The following ABHD14A variants were observed in gnomAD, a reference collection of about 807,000 sequenced individuals.
The protein encoded by ABHD14A is abhydrolase domain containing 14A.
Under a neutral mutation model 27.0 loss-of-function variants are expected in ABHD14A, and 19 were observed. That is an observed-to-expected ratio of 0.70 (90% CI 0.49 to 1.03). ABHD14A has a LOEUF of 1.03. Ranked by LOEUF, ABHD14A falls within the 50% of genes least tolerant of loss-of-function variation. The pLI is 0.00. For missense variants in ABHD14A, 311 were observed against 344.6 expected (o/e 0.90, Z 0.77); for synonymous variants, 148 against 158.8 (o/e 0.93, Z 0.51).
At chr3:51,978,728 AT>A in intron 3 of ABHD14A, 1 of 276,556 alleles carries the variant, frequency 3.6e-6, no homozygotes. Context: ...AGTAGCTGAG[AT>A]TACAGGTGAC....
In ABHD14A at chr3:51,977,984, C is replaced by G. The variant is rs404527; in HGVS notation, c.183C>G (p.Cys61Trp). Residue 61 changes from cysteine (C) to tryptophan (W), a missense_variant, in exon 2 of 5, where the codon TGC becomes TGG. Physicochemically the swap from Cys to Trp is radical, Grantham distance 215. Coordinates refer to ENST00000273596, the MANE Select transcript of ABHD14A (RefSeq NM_015407.5). ...CAGGCCCCCCTGAGCAGACTTCCTG[C>G]CTCTGGGGAGACCCCAATGTCACAG... ...GLPGPPEQTS[C>W]LWGDPNVTVL... 24,046 of 1,614,024 alleles carry G rather than the reference C, an allele frequency of 0.015. 2,776 individuals are homozygous for G. The African/African-American group carries it at 0.26, about 17-fold the overall frequency.
rs1017247064 is a variant in ABHD14A at position 51,979,554 on chromosome 3, G to A, written c.398-839G>A. ...GGCTGGAGTGCAGTGGCTCGTACTCGGCTCACTGCAACCTCCGCCTTCTGG... is the reference window on the plus strand; with the variant it reads ...GGCTGGAGTGCAGTGGCTCGTACTCAGCTCACTGCAACCTCCGCCTTCTGG... On this transcript the variant is annotated intron_variant, in intron 3 of 4. Coordinates refer to ENST00000273596, the MANE Select transcript of ABHD14A (RefSeq NM_015407.5). Among the ~76,000 whole-genome samples, 10 of 147,608 alleles carry A rather than the reference G, an allele frequency of 6.8e-5. No individual in the cohort carries two copies. In the East Asian group the frequency reaches 1.4e-3, roughly 21 times the overall value.
At chr3:51,975,299 G>T in intron 1 of ABHD14A, 95 bp downstream of exon 1, 5 of 1,152,242 alleles carry the variant, frequency 4.3e-6, no homozygotes, top group Non-Finnish European at 5.5e-6. Context: ...AGAGTCCCGC[G>T]GAAGAAGCAG....
intron 3 of ABHD14A, 38 bp downstream of exon 3, chr3:51,978,412 G>C: frequency 1.3e-6 from 2 of 1,513,878 alleles, no homozygotes; most frequent in Non-Finnish European, 1.8e-6. Context: ...GAAGCCTTAA[G>C]TGTGGCTGGG....
At position 51,975,111 on chromosome 3, in the gene ABHD14A, G is replaced by A; in HGVS notation, c.-25G>A. 7.8e-7 allele frequency: 1 copy of A among 1,289,380 alleles called. No individual in the cohort carries two copies. The highest frequency in any genetic ancestry group is 2.3e-5 in the South Asian group (1 of 43,096). The allele number at this position is 1,289,380 out of a possible 1,614,324, so 79.9% of individuals were successfully genotyped here. On this transcript the variant is annotated 5_prime_UTR_variant, in exon 1 of 5. Transcript: ENST00000273596. ...GCTCCTGGCCGCCTAGAGCCGGAGC[G>A]GCCCGCGGAGCTGCGGAGGCAGCCA... is the stretch of plus-strand genomic sequence containing the variant.
intron 3 of ABHD14A, among the ~76,000 whole-genome samples, chr3:51,979,488 GTT>G (rs34498641): frequency 7.3e-5 from 10 of 136,660 alleles, no homozygotes; most frequent in African/African-American, 2.2e-4. Context: ...TTTGTTTTTT[GTT>G]TTTTTTTTTT....
intron 3 of ABHD14A, among the ~76,000 whole-genome samples, chr3:51,979,815 C>T (rs1374498529): frequency 1.3e-5 from 2 of 151,904 alleles, no homozygotes; most frequent in Non-Finnish European, 2.9e-5. Flanking sequence ...TAGATAACTA[C>T]TATCTCACCC....
chr3:51,978,723 CTGAGA>C (rs1279639871), intron 3 of ABHD14A: 7 of 273,100 alleles, frequency 2.6e-5, no homozygotes, highest in Non-Finnish European at 4.5e-5. Context: ...TCCCCAGTAG[CTGAGA>C]TTACAGGTGA....
chr3:51,978,272 C>A lies in ABHD14A; in HGVS notation c.295C>A (p.Leu99Met). ...LNQAHRVEVV[L>M]LHGKAFNSHT... ...GTGTGCCTGCAGGGTGGAGGTGGTG[C>A]TGCTTCATGGAAAGGCCTTTAACTC... The change falls in exon 3 of 5, where the codon CTG becomes ATG. Residue 99 changes from leucine to methionine, a missense_variant. Transcript: ENST00000273596. 1 of 1,551,264 alleles carries A rather than the reference C, an allele frequency of 6.4e-7. No homozygotes were observed. Among genetic ancestry groups the A allele is most frequent in the Non-Finnish European group, 8.7e-7 (1 of 1,146,572 alleles).
chr3:51,976,403 G>A (rs961351950), intron 1 of ABHD14A, among the ~76,000 whole-genome samples: 62 of 152,352 alleles, frequency 4.1e-4, no homozygotes, highest in African/African-American at 1.4e-3. Flanking sequence ...CTGGCCCGGC[G>A]CGGTGGCTCA....
rs1414209436 is a variant in ABHD14A, at chr3:51,981,011, T to C, written c.809T>C (p.Leu270Pro). ...HLVLLAFLDH[L>P]P Reference sequence around the variant, plus strand: ...GTCCTGCTTGCCTTCCTTGACCATCTACCTTGAACTAACCCACTCCCAGCT... The same window carrying C: ...GTCCTGCTTGCCTTCCTTGACCATCCACCTTGAACTAACCCACTCCCAGCT... The change falls in exon 5 of 5, where the codon CTA becomes CCA. Residue 270 changes from leucine (L) to proline (P), a missense_variant. Leu to Pro is a moderately conservative substitution (Grantham distance 98). Coordinates refer to ENST00000273596, the MANE Select transcript of ABHD14A (RefSeq NM_015407.5). 11 of 1,608,976 alleles carry C rather than the reference T, an allele frequency of 6.8e-6. No homozygotes were observed. The highest frequency in any genetic ancestry group is 1.3e-5 in the African/African-American group (1 of 74,936).
At position 51,975,093 on chromosome 3, in the gene ABHD14A, G is replaced by A. The variant is rs748345577; in HGVS notation, c.-43G>A. 57 of 1,275,874 alleles carry A rather than the reference G, an allele frequency of 4.5e-5. No individual in the cohort carries two copies. The highest frequency in any genetic ancestry group is 5.4e-5 in the Non-Finnish European group (55 of 1,010,616). The allele number at this position is 1,275,874 out of a possible 1,614,324, so 79.0% of individuals were successfully genotyped here. On this transcript the variant is annotated 5_prime_UTR_variant, in exon 1 of 5. Coordinates refer to ENST00000273596, the MANE Select transcript of ABHD14A (RefSeq NM_015407.5). The stretch of plus-strand genomic sequence containing the variant: ...GCGCGCCGAGATGGCCGCGCTCCTG[G>A]CCGCCTAGAGCCGGAGCGGCCCGCG...
In ABHD14A at chr3:51,978,344, G is replaced by T. The variant is rs1355045123; in HGVS notation, c.367G>T (p.Gly123Cys). Residue 123 changes from glycine to cysteine, a missense_variant, in exon 3 of 5, where the codon GGC becomes TGC. Gly to Cys is a radical substitution (Grantham distance 159, BLOSUM62 -3). Coordinates refer to ENST00000273596, the MANE Select transcript of ABHD14A (RefSeq NM_015407.5). ...CACACTGCAGCTACTGTCACAGAGGGGCTACCGGGCCGTGGCCCTTGACCT... is the reference window on the plus strand; with the variant it reads ...CACACTGCAGCTACTGTCACAGAGGTGCTACCGGGCCGTGGCCCTTGACCT... The part of the protein sequence containing the change: ...LGTLQLLSQR[G>C]YRAVALDLPG... 3 of 1,551,676 alleles carry T rather than the reference G, an allele frequency of 1.9e-6. No individual in the cohort carries two copies. The highest frequency in any genetic ancestry group is 2.6e-6 in the Non-Finnish European group (3 of 1,146,964).
In ABHD14A at chr3:51,975,121, G is replaced by C. The variant is rs1002649064; in HGVS notation, c.-15G>C. On this transcript the variant is annotated 5_prime_UTR_variant, in exon 1 of 5. Transcript: ENST00000273596. ...GCCTAGAGCCGGAGCGGCCCGCGGAGCTGCGGAGGCAGCCATGGTCGGGGC... is the reference window on the plus strand; with the variant it reads ...GCCTAGAGCCGGAGCGGCCCGCGGACCTGCGGAGGCAGCCATGGTCGGGGC... The C allele has an allele frequency of 7.7e-7, 1 of 1,293,466 alleles. No individual in the cohort carries two copies. Among genetic ancestry groups the C allele is most frequent in the East Asian group, 3.1e-5 (1 of 31,894 alleles). 80.1% of individuals were successfully genotyped at this position (1,293,466 alleles called of 1,614,324 possible).
chr3:51,978,438 A>T, intron 3 of ABHD14A, 64 bp downstream of exon 3: 1 of 1,344,920 alleles, frequency 7.4e-7, no homozygotes, highest in Non-Finnish European at 1.0e-6. Context: ...ACTGGACCCT[A>T]GGGTCTGGAC....
chr3:51,980,289 TGTGCCA>T, intron 3 of ABHD14A, 98 bp from the exon 4 acceptor site: 1 of 976,292 alleles, frequency 1.0e-6, no homozygotes, highest in Non-Finnish European at 1.6e-6. Context: ...TTAGGTAGTG[TGTGCCA>T]GTGCCAGTGG....
intron 3 of ABHD14A, chr3:51,978,917 C>A: frequency 3.1e-6 from 1 of 323,830 alleles, no homozygotes; most frequent in Non-Finnish European, 6.6e-6. Flanking sequence ...TATGGCAAAC[C>A]ATATAGGTTT....
Position 51,975,085 on chromosome 3 carries a change from C to T in ABHD14A, c.-51C>T. 1 of 1,272,264 alleles carries T rather than the reference C, an allele frequency of 7.9e-7. No homozygotes were observed. The highest frequency in any genetic ancestry group is 9.9e-7 in the Non-Finnish European group (1 of 1,008,602). 78.8% of individuals were successfully genotyped at this position (1,272,264 alleles called of 1,614,324 possible). On this transcript the variant is annotated 5_prime_UTR_variant, in exon 1 of 5. Transcript: ENST00000273596. ...GTGCGCAGGCGCGCCGAGATGGCCGCGCTCCTGGCCGCCTAGAGCCGGAGC... is the reference window on the plus strand; with the variant it reads ...GTGCGCAGGCGCGCCGAGATGGCCGTGCTCCTGGCCGCCTAGAGCCGGAGC...
intron 1 of ABHD14A, among the ~76,000 whole-genome samples, chr3:51,975,464 G>A (rs988555773): frequency 2.1e-5 from 3 of 142,518 alleles, no homozygotes; most frequent in Non-Finnish European, 3.1e-5. Context: ...TTGGGGGGGG[G>A]GTGTGTTCGT....
Sources: allele counts gnomAD v4.1 joint callset (sites outside exome capture counted in the v4.1 genomes callset), GRCh38; gene constraint gnomAD v4.1.1; transcripts MANE v1.5; gene names NCBI Gene and HGNC (gene_info 2026-07-23, HGNC 2026-07-21).